Variants in WDR41 observed in about 807,000 individuals in gnomAD.
WDR41 encodes the protein WD repeat domain 41, also known as WD repeat-containing protein 41.
WDR41 carries 63 observed loss-of-function variants against 69.3 expected under a neutral mutation model. That is an observed-to-expected ratio of 0.91 (90% CI 0.74 to 1.12). WDR41 has a LOEUF of 1.12. Ranked by LOEUF, WDR41 falls within the 50% of genes most tolerant of loss-of-function variation. The pLI is 0.00. For synonymous variants in WDR41, 185 were observed against 192.1 expected (o/e 0.96, Z 0.31); for missense variants, 543 against 534.5 (o/e 1.02, Z -0.16).
intron 1 of WDR41, among the ~76,000 whole-genome samples, chr5:77,541,280 T>C (rs1743082247): frequency 6.6e-6 from 1 of 151,604 alleles, no homozygotes; most frequent in Non-Finnish European, 1.5e-5. Context: ...AACCCCAATA[T>C]AAAGTGAGCA....
intron 2 of WDR41, among the ~76,000 whole-genome samples, chr5:77,481,041 A>C (rs1801214435): frequency 6.7e-6 from 1 of 149,080 alleles, no homozygotes; most frequent in Non-Finnish European, 1.5e-5. Flanking sequence ...TTTTTTTTTG[A>C]GACAAAGTCT....
At chr5:77,473,074 G>A (rs1435658238) in intron 2 of WDR41, among the ~76,000 whole-genome samples, 2 of 151,908 alleles carry the variant, frequency 1.3e-5, no homozygotes, top group Non-Finnish European at 2.9e-5. Flanking sequence ...AAAACAGCAT[G>A]ATACTGGTAC....
chr5:77,571,947 A>T (rs535108429), intron 1 of WDR41, among the ~76,000 whole-genome samples: 3 of 152,300 alleles, frequency 2.0e-5, no homozygotes, highest in Non-Finnish European at 2.9e-5. Flanking sequence ...TAGTGCCTGG[A>T]TAAGCAAGAA....
intron 1 of WDR41, among the ~76,000 whole-genome samples, chr5:77,546,501 CAT>C (rs1561220837): frequency 1.3e-5 from 2 of 152,056 alleles, no homozygotes; most frequent in African/African-American, 4.8e-5. Context: ...CCTTTACACA[CAT>C]AAACTAGAAA....
At chr5:77,435,639 T>G (rs1798909053) in intron 12 of WDR41, among the ~76,000 whole-genome samples, 1 of 152,228 alleles carries the variant, frequency 6.6e-6, no homozygotes. Flanking sequence ...GATTACACTG[T>G]TATTAGTTCT....
intron 1 of WDR41, among the ~76,000 whole-genome samples, chr5:77,619,313 C>A (rs150091076): frequency 1.4e-4 from 21 of 152,174 alleles, no homozygotes; most frequent in Admixed American, 1.2e-3. Flanking sequence ...TCAGGTACCA[C>A]GCATTCAGGC....
intron 1 of WDR41, among the ~76,000 whole-genome samples, chr5:77,577,685 G>T (rs1445871586): frequency 6.6e-6 from 1 of 152,072 alleles, no homozygotes. Context: ...AATATATATT[G>T]CAGCACTGTT....
chr5:77,476,374 G>C (rs1800930915), intron 2 of WDR41, among the ~76,000 whole-genome samples: 1 of 151,414 alleles, frequency 6.6e-6, no homozygotes. Flanking sequence ...ATAATTGTCA[G>C]ATTCACCAAA....
intron 1 of WDR41, among the ~76,000 whole-genome samples, chr5:77,543,003 C>G (rs1025779893): frequency 3.9e-5 from 6 of 152,264 alleles, no homozygotes; most frequent in Admixed American, 3.9e-4. Context: ...ACCCCCACTA[C>G]CAGCCCAGAG....
intron 1 of WDR41, chr5:77,582,284 C>T: frequency 8.0e-7 from 1 of 1,249,690 alleles, no homozygotes; most frequent in South Asian, 1.3e-5. Context: ...AACTCTGGCT[C>T]AGCAAGAAAG....
At chr5:77,517,012 T>A (rs1291985245) in intron 1 of WDR41, among the ~76,000 whole-genome samples, 2 of 130,000 alleles carry the variant, frequency 1.5e-5, no homozygotes, top group East Asian at 4.3e-4. Context: ...CGAGACTCCA[T>A]CTCCAAAAAA....
intron 1 of WDR41, among the ~76,000 whole-genome samples, chr5:77,596,036 G>T (rs1744221807): frequency 6.6e-6 from 1 of 151,984 alleles, no homozygotes; most frequent in Non-Finnish European, 1.5e-5. Context: ...TAACCTATTG[G>T]TCAAATTCCA....
At position 77,432,462 on chromosome 5, in the gene WDR41, G is replaced by A. The variant is rs1581682559; in HGVS notation, c.*673C>T. 6.6e-6 allele frequency: 1 copy of A among 152,614 alleles called. No homozygotes were observed. Among genetic ancestry groups the A allele is most frequent in the African/African-American group, 2.4e-5 (1 of 41,552 alleles). 9.5% of individuals were successfully genotyped at this position (152,614 alleles called of 1,614,324 possible). On this transcript the variant is annotated 3_prime_UTR_variant, in exon 13 of 13. Transcript: ENST00000296679. Reference sequence around the variant, plus strand: ...CTCAAATGATCTAGAGCTCATCCTTGGCGTACATGAGGGGCAGTTGTTGTT... The same window carrying A: ...CTCAAATGATCTAGAGCTCATCCTTAGCGTACATGAGGGGCAGTTGTTGTT...
In WDR41 at chr5:77,440,977, AG is replaced by A; in HGVS notation, c.717del (p.Ser240ProfsTer6). ...INVNDLSFVTGSHVGELIIWD... is the reference protein window; with the variant it reads ...INVNDLSFVTXSHVGELIIWD... Reference sequence around the variant, plus strand: ...CAGATGATCAGCTCTCCGACGTGGGAGCCGGTGACAAAACTCAAATCTAGGC... The same window carrying A: ...CAGATGATCAGCTCTCCGACGTGGGACCGGTGACAAAACTCAAATCTAGGC... On this transcript the variant is annotated frameshift_variant, in exon 9 of 13. Coordinates refer to ENST00000296679, the MANE Select transcript of WDR41 (RefSeq NM_018268.4). LOFTEE classifies it high-confidence loss of function. 1 of 1,613,382 alleles carries A rather than the reference AG, an allele frequency of 6.2e-7. No homozygotes were observed. The highest frequency in any genetic ancestry group is 1.1e-5 in the South Asian group (1 of 90,754).
intron 10 of WDR41, 70 bp downstream of exon 10, chr5:77,438,158 TTGGCCACTTGAG>T: frequency 6.3e-7 from 1 of 1,586,166 alleles, no homozygotes; most frequent in East Asian, 2.2e-5. Flanking sequence ...GCCAGGTAAC[TTGGCCACTTGAG>T]AAATTACACT....
chr5:77,588,384 T>G (rs902119949), intron 1 of WDR41, among the ~76,000 whole-genome samples: 10 of 152,248 alleles, frequency 6.6e-5, no homozygotes, highest in African/African-American at 2.4e-4. Flanking sequence ...TTCTCCTGTG[T>G]GATTTTTTAC....
At chr5:77,447,869 C>A (rs1176945244) in intron 8 of WDR41, among the ~76,000 whole-genome samples, 1 of 152,094 alleles carries the variant, frequency 6.6e-6, no homozygotes, top group Non-Finnish European at 1.5e-5. Context: ...CACATGTATC[C>A]CATTTTTTTA....
chr5:77,460,126 G>C (rs552706784), intron 4 of WDR41, among the ~76,000 whole-genome samples: 1 of 152,260 alleles, frequency 6.6e-6, no homozygotes, highest in South Asian at 2.1e-4. Context: ...CCCAGCACTG[G>C]GAAAGACTAT....
At chr5:77,557,536 A>C (rs1416862008) in intron 1 of WDR41, among the ~76,000 whole-genome samples, 1 of 152,208 alleles carries the variant, frequency 6.6e-6, no homozygotes, top group African/African-American at 2.4e-5. Flanking sequence ...TAAAGCTTGC[A>C]AAAATTAAAA....
Sources: allele counts gnomAD v4.1 joint callset (sites outside exome capture counted in the v4.1 genomes callset), GRCh38; gene constraint gnomAD v4.1.1; transcripts MANE v1.5; gene names NCBI Gene and HGNC (gene_info 2026-07-23, HGNC 2026-07-21).